The following ZSWIM6 variants were observed in gnomAD, a reference collection of about 807,000 sequenced individuals.
ZSWIM6 encodes zinc finger SWIM-type containing 6, also known as zinc finger SWIM domain-containing protein 6.
Under a neutral mutation model 113.2 loss-of-function variants are expected in ZSWIM6, and 9 were observed. The ratio of observed to expected loss-of-function variants is 0.08; its 90% CI spans 0.05 to 0.14. ZSWIM6 has a LOEUF of 0.14. ZSWIM6 is among the 10% of genes least tolerant of loss of function. The pLI is 1.00. For missense variants in ZSWIM6, 1,162 were observed against 1,552.2 expected (o/e 0.75, Z 4.22); for synonymous variants, 611 against 606.5 (o/e 1.01, Z -0.11).
At chr5:61,450,767 A>G (rs899312038) in intron 1 of ZSWIM6, among the ~76,000 whole-genome samples, 2 of 152,220 alleles carry the variant, frequency 1.3e-5, no homozygotes, top group Non-Finnish European at 2.9e-5. Flanking sequence ...ACAATGATTT[A>G]TGAAGGTAAA....
At chr5:61,452,281 C>T (rs1747100410) in intron 1 of ZSWIM6, among the ~76,000 whole-genome samples, 1 of 152,134 alleles carries the variant, frequency 6.6e-6, no homozygotes, top group Non-Finnish European at 1.5e-5. Context: ...CTATTCATAG[C>T]TATATAGTAT....
chr5:61,342,873 A>C (rs1744577442), intron 1 of ZSWIM6, among the ~76,000 whole-genome samples: 1 of 152,186 alleles, frequency 6.6e-6, no homozygotes, highest in African/African-American at 2.4e-5. Context: ...AGAACTCTAA[A>C]ATTTTACTTG....
intron 7 of ZSWIM6, among the ~76,000 whole-genome samples, chr5:61,529,465 G>A (rs759878100): frequency 2.8e-4 from 43 of 152,174 alleles, no homozygotes; most frequent in Non-Finnish European, 2.9e-5. Flanking sequence ...TTCACACTAA[G>A]GAAGATTTTC....
Position 61,390,729 on chromosome 5 carries a change from T to C in ZSWIM6, c.676+57781T>C, listed in dbSNP as rs1372713703. 5.0e-6 allele frequency: 4 copies of C among 793,874 alleles called. No homozygotes were observed. In the African/African-American group the frequency reaches 6.7e-5, roughly 13 times the overall value. The allele number at this position is 793,874 out of a possible 1,614,324, so 49.2% of individuals were successfully genotyped here. A position where few individuals can be genotyped will look rare whatever the true frequency, so the allele number is the denominator to read the frequency against. ...GAGTGGTGCCATGAATGCTGTCTTC[T>C]CCTCCATGGTCTGGAAGCAGCCATG... On this transcript the variant is annotated intron_variant, in intron 1 of 13. Coordinates refer to ENST00000252744, the MANE Select transcript of ZSWIM6 (RefSeq NM_020928.2).
intron 1 of ZSWIM6, among the ~76,000 whole-genome samples, chr5:61,340,948 G>A (rs571314615): frequency 6.6e-6 from 1 of 152,312 alleles, no homozygotes; most frequent in African/African-American, 2.4e-5. Flanking sequence ...TGAGATTAAA[G>A]TTCAGAAAAA....
At chr5:61,391,691 C>A in intron 1 of ZSWIM6, 3 of 1,125,750 alleles carry the variant, frequency 2.7e-6, no homozygotes, top group South Asian at 2.5e-5. Context: ...CCTGGCCTGT[C>A]GACTTCCCGC....
chr5:61,389,948 A>G (rs1249159392), intron 1 of ZSWIM6, among the ~76,000 whole-genome samples: 1 of 152,244 alleles, frequency 6.6e-6, no homozygotes, highest in Non-Finnish European at 1.5e-5. Context: ...AATTTCTGTA[A>G]TGAGAACGTG....
At chr5:61,494,435 C>T (rs2112220008) in intron 4 of ZSWIM6, 25 bp downstream of exon 4, 2 of 1,550,052 alleles carry the variant, frequency 1.3e-6, no homozygotes, top group Non-Finnish European at 1.7e-6. Context: ...TCACAAATTA[C>T]CATTGATTTG....
At position 61,525,507 on chromosome 5, in the gene ZSWIM6, A is replaced by G. The variant is rs540987379; in HGVS notation, c.1514-293A>G. Among the ~76,000 whole-genome samples, 106 of 152,228 alleles carry G rather than the reference A, an allele frequency of 7.0e-4. 1 individual carries two copies. In the Middle Eastern group the frequency reaches 0.031, roughly 44 times the overall value. ...TGTGCTGAGTGGCTCCTTTGAGTGT[A>G]TTTGGCATGGAAACTAGACTTGACA... On this transcript the variant is annotated intron_variant, in intron 5 of 13. Transcript: ENST00000252744.
Position 61,526,353 on chromosome 5 carries a change from A to G in ZSWIM6, c.1794A>G (p.Arg598=). ...LAIAIVNTLR[R]QQQKQLEMFR... is the part of the protein sequence containing the mutation. The stretch of plus-strand genomic sequence containing the variant: ...TAGCTATTGTTAATACATTAAGACG[A>G]CAGCAGCAGAAACAGTTGGAAATGT... Residue 598 remains arginine, a synonymous_variant, in exon 7 of 14, where the codon CGA becomes CGG. Coordinates refer to ENST00000252744, the MANE Select transcript of ZSWIM6 (RefSeq NM_020928.2). The G allele has an allele frequency of 6.4e-7, 1 of 1,552,200 alleles. No individual in the cohort carries two copies. The highest frequency in any genetic ancestry group is 8.7e-7 in the Non-Finnish European group (1 of 1,147,064).
At chr5:61,494,173 A>G (rs1580037078) in intron 3 of ZSWIM6, 87 bp from the exon 4 acceptor site, 3 of 1,363,130 alleles carry the variant, frequency 2.2e-6, no homozygotes, top group East Asian at 2.5e-5. Flanking sequence ...AACAGAGAAA[A>G]GTGGTGGTTT....
rs762398632 is a variant in ZSWIM6, at chr5:61,472,721, A to G, written c.717A>G (p.Gln239=). ...GCACAGTGACAGAACCTGCAATACA[A>G]TCGGAGCCAGAAACTGTTTGCAACG... is the stretch of plus-strand genomic sequence containing the variant. ...LSGTVTEPAI[Q]SEPETVCNVA... is the part of the protein sequence containing the mutation. Residue 239 remains glutamine, a synonymous_variant, in exon 2 of 14, where the codon CAA becomes CAG. Coordinates refer to ENST00000252744, the MANE Select transcript of ZSWIM6 (RefSeq NM_020928.2). This position sits in a 1 kb window ranked among gnomAD's most constrained non-coding sequence, Gnocchi z 4.1. The G allele has an allele frequency of 1.9e-6, 3 of 1,548,372 alleles. No homozygotes were observed. Among genetic ancestry groups the G allele is most frequent in the East Asian group, 2.4e-5 (1 of 40,882 alleles).
chr5:61,342,756 T>G (rs936067519), intron 1 of ZSWIM6, among the ~76,000 whole-genome samples: 12 of 152,198 alleles, frequency 7.9e-5, no homozygotes, highest in African/African-American at 2.9e-4. Context: ...TAAAAAAATT[T>G]TGGTTGTCTT....
At chr5:61,475,608 T>A (rs1747691688) in intron 2 of ZSWIM6, among the ~76,000 whole-genome samples, 1 of 152,172 alleles carries the variant, frequency 6.6e-6, no homozygotes, top group African/African-American at 2.4e-5. Context: ...TAATTTATCA[T>A]CAAATTTGCT....
At chr5:61,540,632 G>A (rs533580846) in intron 12 of ZSWIM6, among the ~76,000 whole-genome samples, 2 of 152,184 alleles carry the variant, frequency 1.3e-5, no homozygotes, top group African/African-American at 4.8e-5. Context: ...AAGCTATATA[G>A]TGATGGTTCA....
At chr5:61,466,290 G>T (rs1362859140) in intron 1 of ZSWIM6, among the ~76,000 whole-genome samples, 2 of 152,184 alleles carry the variant, frequency 1.3e-5, no homozygotes, top group African/African-American at 4.8e-5. Flanking sequence ...AGCTAATGCA[G>T]TGGGTTTAGT....
At chr5:61,407,397 C>G (rs1031249746) in intron 1 of ZSWIM6, among the ~76,000 whole-genome samples, 1 of 152,134 alleles carries the variant, frequency 6.6e-6, no homozygotes, top group Non-Finnish European at 1.5e-5. Context: ...TGGGGAATGA[C>G]AGTCTGTGAT....
chr5:61,374,261 G>C (rs965096849), intron 1 of ZSWIM6, among the ~76,000 whole-genome samples: 1 of 152,148 alleles, frequency 6.6e-6, no homozygotes, highest in Non-Finnish European at 1.5e-5. Context: ...TGTGTCTTTA[G>C]CTTCCATTTT....
chr5:61,425,414 C>T (rs1242452250), intron 1 of ZSWIM6, among the ~76,000 whole-genome samples: 1 of 152,118 alleles, frequency 6.6e-6, no homozygotes, highest in Non-Finnish European at 1.5e-5. Context: ...GTTTTTTGAA[C>T]CTGTGCCAGT....
Sources: gnomAD v4.1 joint callset for allele counts (sites outside exome capture counted in the v4.1 genomes callset) on GRCh38, gnomAD v4.1.1 for gene constraint, Gnocchi (gnomAD v3.1) non-coding constraint, MANE v1.5 for transcripts, NCBI Gene and HGNC (gene_info 2026-07-23, HGNC 2026-07-21) for gene names.